ARHGAP39: variants seen among roughly 807,000 people sequenced by gnomAD.
ARHGAP39 encodes Rho GTPase activating protein 39, also known as rho GTPase-activating protein 39.
Under a neutral mutation model 106.9 loss-of-function variants are expected in ARHGAP39, and 44 were observed. The ratio of observed to expected loss-of-function variants is 0.41; its 90% CI spans 0.32 to 0.53. The LOEUF (loss-of-function observed/expected upper bound fraction) is 0.53. Among genes scored for constraint, ARHGAP39 ranks in the 20% least tolerant of loss-of-function variants. ARHGAP39 has a pLI of 0.21. For synonymous variants in ARHGAP39, 768 were observed against 693.2 expected, an observed-to-expected ratio of 1.11 and a Z score of -1.69; for missense variants, 1,496 against 1,577.3, an observed-to-expected ratio of 0.95 and a Z score of 0.87.
In ARHGAP39 at chr8:144,645,815, G is replaced by A. The variant is rs372807697; in HGVS notation, c.-82+39871C>T. Among the ~76,000 whole-genome samples the A allele has an allele frequency of 3.3e-5, 5 of 152,354 alleles. No homozygotes were observed. Among genetic ancestry groups the A allele is most frequent in the East Asian group, 1.9e-4 (1 of 5,190 alleles). On this transcript the variant is annotated intron_variant, in intron 1 of 11. Transcript: ENST00000377307. The surrounding 1 kb of genome is among the most constrained non-coding windows in gnomAD (Gnocchi z 4.4). Reference sequence around the variant, plus strand: ...TCATAACCAAAGGGGCTGCCTGAGCGAGGCCAGGGCTGCAGGGGGAGCTGG... The same window carrying A: ...TCATAACCAAAGGGGCTGCCTGAGCAAGGCCAGGGCTGCAGGGGGAGCTGG...
intron 4 of ARHGAP39, among the ~76,000 whole-genome samples, chr8:144,554,038 C>A (rs1340315213): frequency 6.6e-6 from 1 of 152,260 alleles, no homozygotes; most frequent in Non-Finnish European, 1.5e-5. Context: ...GAACAGGGAT[C>A]TTCAGCAGGC....
chr8:144,543,367 G>A (rs1410273165), intron 6 of ARHGAP39, among the ~76,000 whole-genome samples: 6 of 152,174 alleles, frequency 3.9e-5, no homozygotes, highest in African/African-American at 1.2e-4. Flanking sequence ...AGGCTCATTT[G>A]GGAAGGAATG....
intron 2 of ARHGAP39, among the ~76,000 whole-genome samples, chr8:144,594,256 C>T (rs1393779622): frequency 6.6e-6 from 1 of 152,144 alleles, no homozygotes; most frequent in Non-Finnish European, 1.5e-5. Flanking sequence ...CCACAAGAGA[C>T]ACCATCTCAA....
At chr8:144,602,960 GGCGT>G in intron 2 of ARHGAP39, among the ~76,000 whole-genome samples, 1 of 137,070 alleles carries the variant, frequency 7.3e-6, no homozygotes, top group South Asian at 2.3e-4. Flanking sequence ...TGTGCATGGA[GGCGT>G]GCGTGCGAGC....
chr8:144,537,877 C>T lies in ARHGAP39; in HGVS notation c.2522-64G>A, dbSNP rs532471152. The T allele has an allele frequency of 4.1e-6, 6 of 1,467,736 alleles. No homozygotes were observed. The African/African-American group carries it at 7.0e-5, about 17-fold the overall frequency. 90.9% of individuals were successfully genotyped at this position (1,467,736 alleles called of 1,614,324 possible). On this transcript the variant is annotated intron_variant, in intron 6 of 11. Transcript: ENST00000377307. ...ACGCCAGGAGCCAGCGCCCACTCAG[C>T]TCCCGCACTTGGCTGGTGAGCAGGC...
chr8:144,636,919 C>T (rs900921022), intron 1 of ARHGAP39, among the ~76,000 whole-genome samples: 3 of 152,204 alleles, frequency 2.0e-5, no homozygotes, highest in Non-Finnish European at 4.4e-5. Context: ...TTCCAAACTC[C>T]AGAACTGCTA....
chr8:144,545,852 G>A, intron 5 of ARHGAP39, 42 bp from the exon 6 acceptor site: 3 of 1,450,072 alleles, frequency 2.1e-6, no homozygotes, highest in Non-Finnish European at 2.7e-6. Flanking sequence ...GGGTGGGGGA[G>A]GGCCAGGCAG....
At chr8:144,642,511 T>TAA (rs959921446) in intron 1 of ARHGAP39, among the ~76,000 whole-genome samples, 26 of 143,224 alleles carry the variant, frequency 1.8e-4, no homozygotes, top group Admixed American at 1.1e-3. Context: ...AGATAAAAAT[T>TAA]AAAAAAAAAA....
chr8:144,583,367 G>A (rs1326544668), intron 2 of ARHGAP39, among the ~76,000 whole-genome samples: 3 of 152,194 alleles, frequency 2.0e-5, no homozygotes, highest in South Asian at 2.1e-4. Flanking sequence ...CCCTGAAACC[G>A]CAACAGGAAG....
At chr8:144,563,051 T>C (rs912671714) in intron 3 of ARHGAP39, among the ~76,000 whole-genome samples, 1 of 152,262 alleles carries the variant, frequency 6.6e-6, no homozygotes, top group African/African-American at 2.4e-5. Flanking sequence ...AAATAAGTTG[T>C]GAAAATACTA....
At chr8:144,698,281 C>A in the ARHGAP39 span, among the ~76,000 whole-genome samples, 3 of 152,142 alleles carry the variant, frequency 2.0e-5, no homozygotes, top group Non-Finnish European at 2.9e-5. Context: ...CATCTTCCAC[C>A]ATAAGTGAAA....
Position 144,530,240 on chromosome 8 carries a change from GC to G in ARHGAP39, c.*181del. On this transcript the variant is annotated 3_prime_UTR_variant, in exon 12 of 12. Coordinates refer to ENST00000377307, the MANE Select transcript of ARHGAP39 (RefSeq NM_025251.3). ...GAGGCGCCCTCCCCGCCGCTGCTGT[GC>G]CCTGGCTGCACCCTCAGACCAGGCA... 1 of 679,220 alleles carries G rather than the reference GC, an allele frequency of 1.5e-6. No homozygotes were observed. The highest frequency in any genetic ancestry group is 2.4e-6 in the Non-Finnish European group (1 of 412,638). The allele number at this position is 679,220 out of a possible 1,614,324, so 42.1% of individuals were successfully genotyped here. A position where few individuals can be genotyped will look rare whatever the true frequency, so the allele number is the denominator to read the frequency against.
rs965658425 is a variant in ARHGAP39, at chr8:144,684,132, T to G, written c.-82+1554A>C. Among the ~76,000 whole-genome samples, 1 of 152,212 alleles carries G rather than the reference T, an allele frequency of 6.6e-6. No homozygotes were observed. The highest frequency in any genetic ancestry group is 2.4e-5 in the African/African-American group (1 of 41,466). On this transcript the variant is annotated intron_variant, in intron 1 of 11. Coordinates refer to ENST00000377307, the MANE Select transcript of ARHGAP39 (RefSeq NM_025251.3). The surrounding 1 kb of genome is among the most constrained non-coding windows in gnomAD (Gnocchi z 4.4). ...CCAGAACCCGCCCTCCTGTCCACTC[T>G]GCTCCCCTGCCTCTCAGGAAGACAG...
chr8:144,553,170 CG>C (rs1554919175), intron 4 of ARHGAP39, among the ~76,000 whole-genome samples: 1 of 152,178 alleles, frequency 6.6e-6, no homozygotes, highest in Non-Finnish European at 1.5e-5. Context: ...CTCCCACGAG[CG>C]GCCACAATGG....
intron 1 of ARHGAP39, among the ~76,000 whole-genome samples, chr8:144,632,427 C>A (rs1042933449): frequency 2.0e-5 from 3 of 152,244 alleles, no homozygotes; most frequent in East Asian, 1.9e-4. Flanking sequence ...TGTCGACAAA[C>A]CCTCACTGCC....
In ARHGAP39 at chr8:144,581,035, G is replaced by A. The variant is rs1396473798; in HGVS notation, c.323C>T (p.Thr108Met). ...CGGGGACTCCGTGTTCTGCTTCAGCGTCTGCAGCTTGGCCAGCGGGATGAT... is the reference window on the plus strand; with the variant it reads ...CGGGGACTCCGTGTTCTGCTTCAGCATCTGCAGCTTGGCCAGCGGGATGAT... ...CDIIPLAKLQ[T>M]LKQNTESPRA... Residue 108 changes from threonine to methionine, a missense_variant, in exon 3 of 12, where the codon ACG becomes ATG. Thr to Met is a moderately conservative substitution (Grantham distance 81, BLOSUM62 -1). Coordinates refer to ENST00000377307, the MANE Select transcript of ARHGAP39 (RefSeq NM_025251.3). The A allele has an allele frequency of 1.9e-6, 3 of 1,585,524 alleles. No individual in the cohort carries two copies. Among genetic ancestry groups the A allele is most frequent in the South Asian group, 2.3e-5 (2 of 87,718 alleles).
intron 1 of ARHGAP39, among the ~76,000 whole-genome samples, chr8:144,619,765 C>T (rs1371052559): frequency 7.0e-5 from 10 of 142,150 alleles, no homozygotes; most frequent in Admixed American, 1.4e-4. Flanking sequence ...AGTGTGTGCC[C>T]GTGTGTGTGA....
intron 3 of ARHGAP39, among the ~76,000 whole-genome samples, chr8:144,570,759 A>T (rs904121343): frequency 6.6e-6 from 1 of 152,238 alleles, no homozygotes; most frequent in Non-Finnish European, 1.5e-5. Context: ...AAGAAAAGAG[A>T]GAATAATCAA....
the ARHGAP39 span, among the ~76,000 whole-genome samples, chr8:144,695,969 C>T: frequency 6.6e-6 from 1 of 152,160 alleles, no homozygotes; most frequent in Middle Eastern, 3.4e-3. Context: ...CTGTCTGGCT[C>T]TTAGCTAAGG....
Sources: allele counts gnomAD v4.1 joint callset (sites outside exome capture counted in the v4.1 genomes callset), GRCh38; gene constraint gnomAD v4.1.1; non-coding constraint Gnocchi (gnomAD v3.1); transcripts MANE v1.5; gene names NCBI Gene and HGNC (gene_info 2026-07-23, HGNC 2026-07-21).